The following CACNB1 variants were observed in gnomAD, a reference collection of about 807,000 sequenced individuals.
CACNB1 encodes the protein voltage-dependent L-type calcium channel subunit beta-1.
In CACNB1, 29 loss-of-function variants were observed where a neutral mutation model predicts 71.6. The observed-to-expected ratio is 0.40, with a 90% CI of 0.30 to 0.55. The LOEUF (loss-of-function observed/expected upper bound fraction) is 0.55, where lower values mean the gene tolerates loss of function less well. CACNB1 is among the 20% of genes least tolerant of loss of function. The pLI is 0.38. For synonymous variants in CACNB1, 300 were observed against 319.6 expected (o/e 0.94, Z 0.65); for missense variants, 623 against 801.8 (o/e 0.78, Z 2.69).
chr17:39,190,866 TATC>T (rs1222812998), intron 3 of CACNB1, among the ~76,000 whole-genome samples: 2 of 152,158 alleles, frequency 1.3e-5, no homozygotes, highest in African/African-American at 4.8e-5. Context: ...GTGGTATTAT[TATC>T]TTCCTTTTAA....
In CACNB1 at chr17:39,186,638, C is replaced by A; in HGVS notation, c.552-66G>T. ...TGGGCGTGGGGGGCTCTCATCCTCT[C>A]ACATGCGGCACCCCCGGAGGTGCTC... On this transcript the variant is annotated intron_variant, in intron 5 of 13. Coordinates refer to ENST00000394303, the MANE Select transcript of CACNB1 (RefSeq NM_000723.5). This position sits in a 1 kb window ranked among gnomAD's most constrained non-coding sequence, Gnocchi z 4.1. The A allele has an allele frequency of 6.6e-7, 1 of 1,520,206 alleles. No homozygotes were observed. Among genetic ancestry groups the A allele is most frequent in the Non-Finnish European group, 9.1e-7 (1 of 1,101,562 alleles). The allele number at this position is 1,520,206 out of a possible 1,614,324, so 94.2% of individuals were successfully genotyped here.
chr17:39,184,069 T>A lies in CACNB1; in HGVS notation c.860A>T (p.His287Leu). 6.2e-7 allele frequency: 1 copy of A among 1,613,458 alleles called. No homozygotes were observed. Among genetic ancestry groups the A allele is most frequent in the Non-Finnish European group, 8.5e-7 (1 of 1,179,678 alleles). Reference protein sequence around the residue: ...KRSVLNNPSKHIIIERSNTRS... With the variant: ...KRSVLNNPSKLIIIERSNTRS... ...TGTGTTGGAGCGCTCAATGATGATG[T>A]GTTTGCTGGGGTTGTTGAGAACTGA... The change falls in exon 10 of 14, where the codon CAC becomes CTC. Residue 287 changes from histidine to leucine, a missense_variant. Coordinates refer to ENST00000394303, the MANE Select transcript of CACNB1 (RefSeq NM_000723.5).
chr17:39,179,280 C>CAAAA (rs35292368), intron 11 of CACNB1, among the ~76,000 whole-genome samples: 3 of 48,646 alleles, frequency 6.2e-5, no homozygotes, highest in Admixed American at 2.5e-4. Flanking sequence ...GACTCCGTCT[C>CAAAA]AAAAAAAAAA....
chr17:39,195,173 A>G (rs542977204), intron 1 of CACNB1: 118 of 544,246 alleles, frequency 2.2e-4, no homozygotes, highest in African/African-American at 2.1e-3. Flanking sequence ...GAGCACAGCC[A>G]GGAGTGGGGA....
At chr17:39,193,418 C>T (rs761982570) in intron 2 of CACNB1, 13 of 439,046 alleles carry the variant, frequency 3.0e-5, no homozygotes, top group Admixed American at 2.2e-4. Context: ...GCTGTTCTAC[C>T]CGCTGCCACC....
At position 39,177,424 on chromosome 17, in the gene CACNB1, G is replaced by A; in HGVS notation, c.1258C>T (p.Pro420Ser). 2 of 1,613,870 alleles carry A rather than the reference G, an allele frequency of 1.2e-6. No individual in the cohort carries two copies. Among genetic ancestry groups the A allele is most frequent in the Non-Finnish European group, 1.7e-6 (2 of 1,179,922 alleles). Residue 420 changes from proline (P) to serine (S), a missense_variant, in exon 13 of 14, where the codon CCC (proline) becomes TCC (serine). Coordinates refer to ENST00000394303, the MANE Select transcript of CACNB1 (RefSeq NM_000723.5). ...KATHPPSSTP[P>S]NPLLNRTMAT... Reference sequence around the variant, plus strand: ...ATGGTGCGGTTCAGCAGCGGATTGGGTGGCGTGCTGCTGGGCGGGTGTGTG... The same window carrying A: ...ATGGTGCGGTTCAGCAGCGGATTGGATGGCGTGCTGCTGGGCGGGTGTGTG...
intron 11 of CACNB1, 89 bp downstream of exon 11, chr17:39,183,624 G>A (rs34815271): frequency 0.047 from 49,499 of 1,044,752 alleles, 1,337 homozygotes; most frequent in Middle Eastern, 0.068. Flanking sequence ...ATTAATTCAC[G>A]TAATTAGTAA....
At chr17:39,182,304 G>A (rs1348460168) in intron 11 of CACNB1, among the ~76,000 whole-genome samples, 1 of 149,884 alleles carries the variant, frequency 6.7e-6, no homozygotes, top group African/African-American at 2.5e-5. Context: ...TCCAGCCTGG[G>A]TGACAGGGCA....
At chr17:39,196,510 T>C (rs1164538662) in intron 1 of CACNB1, among the ~76,000 whole-genome samples, 3 of 151,982 alleles carry the variant, frequency 2.0e-5, no homozygotes, top group Non-Finnish European at 4.4e-5. Flanking sequence ...ATCATGGTGG[T>C]TACAGCTGGT....
At chr17:39,184,541 G>C (rs957547960) in intron 8 of CACNB1, among the ~76,000 whole-genome samples, 158 bp from the exon 9 acceptor site, 5 of 151,980 alleles carry the variant, frequency 3.3e-5, no homozygotes, top group African/African-American at 1.2e-4. Flanking sequence ...CCTCCACTGG[G>C]GTCTCTGGTT....
rs1249114820 is a variant in CACNB1 at position 39,177,542 on chromosome 17, A to C, written c.1147-7T>G. The C allele has an allele frequency of 1.9e-6, 3 of 1,572,462 alleles. No individual in the cohort carries two copies. The Admixed American group carries it at 5.1e-5, about 27-fold the overall frequency. ...GGATGATGTCAAACATTTCCTGTGAAGGCGGGGTTAGGGGGCAGGGCTGGG... is the reference window on the plus strand; with the variant it reads ...GGATGATGTCAAACATTTCCTGTGACGGCGGGGTTAGGGGGCAGGGCTGGG... On this transcript the variant is annotated splice_region_variant and splice_polypyrimidine_tract_variant and intron_variant, in intron 12 of 13. Coordinates refer to ENST00000394303, the MANE Select transcript of CACNB1 (RefSeq NM_000723.5).
At position 39,186,526 on chromosome 17, in the gene CACNB1, C is replaced by A; in HGVS notation, c.598G>T (p.Gly200Cys). The change falls in exon 6 of 14, where the codon GGC becomes TGC. Residue 200 changes from glycine to cysteine, a missense_variant. Transcript: ENST00000394303. The surrounding 1 kb of genome is among the most constrained non-coding windows in gnomAD (Gnocchi z 4.1). ...GCAGGGGGTGTGGGGCGGCGGGTGC[C>A]AGTCACCACATCTCCCAGACTGGAA... Reference protein sequence around the residue: ...SSSSLGDVVTGTRRPTPPASA... With the variant: ...SSSSLGDVVTCTRRPTPPASA... The A allele has an allele frequency of 6.2e-7, 1 of 1,613,574 alleles. No homozygotes were observed. The highest frequency in any genetic ancestry group is 8.5e-7 in the Non-Finnish European group (1 of 1,179,764).
In CACNB1 at chr17:39,193,405, G is replaced by C. The variant is rs1231581389; in HGVS notation, c.171+1479C>G. On this transcript the variant is annotated intron_variant, in intron 2 of 13. Transcript: ENST00000394303. ...GGCTGCCCTCCGTCAGCTTTCCTGA[G>C]AGGCTGTTCTACCCGCTGCCACCCC... is the stretch of plus-strand genomic sequence containing the variant. 7.1e-6 allele frequency: 3 copies of C among 423,568 alleles called. No homozygotes were observed. The East Asian group carries it at 2.2e-4, about 32-fold the overall frequency. 26.2% of individuals were successfully genotyped at this position (423,568 alleles called of 1,614,324 possible). A position where few individuals can be genotyped will look rare whatever the true frequency, so the allele number is the denominator to read the frequency against.
chr17:39,193,469 G>A (rs1214203811), intron 2 of CACNB1: 3 of 453,680 alleles, frequency 6.6e-6, no homozygotes, highest in African/African-American at 2.0e-5. Context: ...GTCCGGCTGG[G>A]CGCCTCCATC....
chr17:39,189,928 T>C (rs1215525275), intron 3 of CACNB1, among the ~76,000 whole-genome samples: 1 of 136,580 alleles, frequency 7.3e-6, no homozygotes, highest in Non-Finnish European at 1.6e-5. Context: ...CTGGCCAACA[T>C]GGTGAAACCC....
intron 3 of CACNB1, among the ~76,000 whole-genome samples, chr17:39,188,301 C>T (rs147999857): frequency 0.024 from 3,573 of 151,506 alleles, 137 homozygotes; most frequent in African/African-American, 0.083. Flanking sequence ...AAAGTCTGGG[C>T]GTGGTGGCTC....
At chr17:39,193,174 GCACA>G (rs567836901) in intron 2 of CACNB1, 5 of 277,566 alleles carry the variant, frequency 1.8e-5, no homozygotes, top group East Asian at 2.4e-4. Flanking sequence ...ACAGTTACAT[GCACA>G]CACACAGACA....
Position 39,186,383 on chromosome 17 carries a change from G to A in CACNB1, c.628+113C>T. On this transcript the variant is annotated intron_variant, in intron 6 of 13. Transcript: ENST00000394303. The surrounding 1 kb of genome is among the most constrained non-coding windows in gnomAD (Gnocchi z 4.1). ...GAGGGGGAACCACTGCATGTGCTTG[G>A]GGGACTCAGGATTGGGGTGTTTCCT... 1.3e-6 allele frequency: 1 copy of A among 759,712 alleles called. No homozygotes were observed. Among genetic ancestry groups the A allele is most frequent in the Non-Finnish European group, 2.2e-6 (1 of 457,474 alleles). The allele number at this position is 759,712 out of a possible 1,614,324, so 47.1% of individuals were successfully genotyped here. A position where few individuals can be genotyped will look rare whatever the true frequency, so the allele number is the denominator to read the frequency against.
intron 3 of CACNB1, 32 bp from the exon 4 acceptor site, chr17:39,187,633 T>C: frequency 6.2e-7 from 1 of 1,613,254 alleles, no homozygotes; most frequent in Non-Finnish European, 8.5e-7. Context: ...GGATGGCAAC[T>C]AGAGGGCAAA....
Sources: gnomAD v4.1 joint callset for allele counts (sites outside exome capture counted in the v4.1 genomes callset) on GRCh38, gnomAD v4.1.1 for gene constraint, Gnocchi (gnomAD v3.1) non-coding constraint, MANE v1.5 for transcripts, NCBI Gene and HGNC (gene_info 2026-07-23, HGNC 2026-07-21) for gene names.